Variants in SCNN1B observed in about 807,000 individuals in gnomAD.
The protein encoded by SCNN1B is epithelial sodium channel subunit beta.
SCNN1B carries 46 observed loss-of-function variants against 65.3 expected under a neutral mutation model. That is an observed-to-expected ratio of 0.70 (90% CI 0.56 to 0.90). The LOEUF (loss-of-function observed/expected upper bound fraction) is 0.90. Among genes scored for constraint, SCNN1B ranks in the 40% least tolerant of loss-of-function variants. SCNN1B has a pLI of 0.00. For missense variants in SCNN1B, 751 were observed against 830.5 expected (o/e 0.90, Z 1.18); for synonymous variants, 349 against 330.6 (o/e 1.06, Z -0.60).
chr16:23,373,958 G>A (rs1045317243), intron 7 of SCNN1B, among the ~76,000 whole-genome samples: 1 of 152,104 alleles, frequency 6.6e-6, no homozygotes, highest in African/African-American at 2.4e-5. Context: ...ACCCAGGCCA[G>A]AAAACAGCCA....
In SCNN1B at chr16:23,378,737, G is replaced by A. The variant is rs753961533; in HGVS notation, c.1436G>A (p.Arg479Gln). 23 of 1,613,986 alleles carry A rather than the reference G, an allele frequency of 1.4e-5. No individual in the cohort carries two copies. The highest frequency in any genetic ancestry group is 5.0e-5 in the Admixed American group (3 of 59,994). The part of the protein sequence containing the change: ...DWIFHVLSQE[R>Q]DQSTNITLSR... Reference sequence around the variant, plus strand: ...ATTTTCCACGTCTTGTCTCAGGAGCGGGACCAAAGCACCAATATCACCCTG... The same window carrying A: ...ATTTTCCACGTCTTGTCTCAGGAGCAGGACCAAAGCACCAATATCACCCTG... The change falls in exon 11 of 13, where the codon CGG (arginine) becomes CAG (glutamine). Residue 479 changes from arginine (R) to glutamine (Q), a missense_variant. Physicochemically the swap from Arg to Gln is conservative, Grantham distance 43. Transcript: ENST00000343070.
chr16:23,293,114 CAAAAA>C (rs1191618996), intron 2 of SCNN1B, among the ~76,000 whole-genome samples: 2,756 of 33,716 alleles, frequency 0.082, 29 homozygotes, highest in Non-Finnish European at 0.13. Flanking sequence ...GACTCATTCT[CAAAAA>C]AAAAAAAAAA....
chr16:23,371,804 A>G lies in SCNN1B; in HGVS notation c.1073A>G (p.Tyr358Cys), dbSNP rs769150286. 3.7e-6 allele frequency: 6 copies of G among 1,614,194 alleles called. No homozygotes were observed. In the South Asian group the frequency reaches 6.6e-5, roughly 18 times the overall value. ...AAGCTTCAGCGCATGGGGGAGCCCTACAGCCCGTGCACCGTGAATGGTTCT... is the reference window on the plus strand; with the variant it reads ...AAGCTTCAGCGCATGGGGGAGCCCTGCAGCCCGTGCACCGTGAATGGTTCT... ...VDKLQRMGEP[Y>C]SPCTVNGSEV... The change falls in exon 7 of 13, where the codon TAC (tyrosine) becomes TGC (cysteine). Residue 358 changes from tyrosine (Y) to cysteine (C), a missense_variant. Tyr to Cys is a radical substitution (Grantham distance 194, BLOSUM62 -2). Coordinates refer to ENST00000343070, the MANE Select transcript of SCNN1B (RefSeq NM_000336.3).
At chr16:23,315,481 G>C (rs183104413) in intron 1 of SCNN1B, among the ~76,000 whole-genome samples, 4 of 152,300 alleles carry the variant, frequency 2.6e-5, no homozygotes, top group Admixed American at 6.5e-5. Context: ...GAGCCCAGCT[G>C]ACCCAGCATG....
intron 8 of SCNN1B, 101 bp from the exon 9 acceptor site, chr16:23,377,064 G>C: frequency 9.6e-7 from 1 of 1,040,010 alleles, no homozygotes; most frequent in Non-Finnish European, 1.5e-6. Context: ...CCTAACCACA[G>C]GGCCAGGAGA....
At position 23,335,162 on chromosome 16, in the gene SCNN1B, T is replaced by A. The variant is rs79017508; in HGVS notation, c.-8-13430T>A. ...TACACAATGGATGATTAATCAATATTTGCTGACTGAATAGATTAAACATTG... is the reference window on the plus strand; with the variant it reads ...TACACAATGGATGATTAATCAATATATGCTGACTGAATAGATTAAACATTG... On this transcript the variant is annotated intron_variant, in intron 1 of 12. Coordinates refer to ENST00000343070, the MANE Select transcript of SCNN1B (RefSeq NM_000336.3). Among the ~76,000 whole-genome samples the A allele has an allele frequency of 7.8e-3, 1,192 of 152,338 alleles. 17 individuals are homozygous for A. Among genetic ancestry groups the A allele is most frequent in the African/African-American group, 0.027 (1,139 of 41,564 alleles).
intron 4 of SCNN1B, among the ~76,000 whole-genome samples, chr16:23,365,232 C>T (rs866827956): frequency 2.6e-5 from 4 of 151,624 alleles, no homozygotes; most frequent in Admixed American, 6.6e-5. Flanking sequence ...GCAGAGGTTA[C>T]AGTGAACCAA....
At chr16:23,333,137 G>GGAAGGAAGGAAA (rs1488445435) in intron 1 of SCNN1B, among the ~76,000 whole-genome samples, 2 of 107,946 alleles carry the variant, frequency 1.9e-5, no homozygotes. Flanking sequence ...GAGGGAGGGA[G>GGAAGGAAGGAAA]GAAGGAAGGA....
intron 10 of SCNN1B, among the ~76,000 whole-genome samples, chr16:23,378,029 G>A (rs1962950494): frequency 1.3e-5 from 2 of 152,120 alleles, no homozygotes; most frequent in Non-Finnish European, 2.9e-5. Context: ...TATTTTTGGA[G>A]ACAGGGGCTT....
At chr16:23,358,775 C>T (rs528775952) in intron 4 of SCNN1B, among the ~76,000 whole-genome samples, 6 of 152,166 alleles carry the variant, frequency 3.9e-5, no homozygotes, top group East Asian at 3.9e-4. Context: ...GGTGTGGTGG[C>T]GCATGCCTGT....
upstream of SCNN1B, among the ~76,000 whole-genome samples, chr16:23,301,359 C>CAAAAAAAAAAAA (rs369302758): frequency 1.4e-3 from 164 of 120,380 alleles, no homozygotes; most frequent in African/African-American, 5.9e-3. Flanking sequence ...GAGACTCTGT[C>CAAAAAAAAAAAA]AAAAAAAAAA....
Position 23,380,024 on chromosome 16 carries a change from G to A in SCNN1B, c.1467-70G>A, listed in dbSNP as rs942841601. The A allele has an allele frequency of 8.8e-7, 1 of 1,136,084 alleles. No homozygotes were observed. Among genetic ancestry groups the A allele is most frequent in the East Asian group, 2.3e-5 (1 of 42,658 alleles). The allele number at this position is 1,136,084 out of a possible 1,614,324, so 70.4% of individuals were successfully genotyped here. ...TGCATGTGTGTGCATGTGTCTATGT[G>A]CGTGTGTGTGTGTCTGTCTGTTTGG... On this transcript the variant is annotated intron_variant, in intron 11 of 12. Coordinates refer to ENST00000343070, the MANE Select transcript of SCNN1B (RefSeq NM_000336.3). The surrounding 1 kb of genome is among the most constrained non-coding windows in gnomAD (Gnocchi z 5.4).
In SCNN1B at chr16:23,375,748, G is replaced by A. The variant is rs201575688; in HGVS notation, c.1163G>A (p.Arg388His). 115 of 1,613,414 alleles carry A rather than the reference G, an allele frequency of 7.1e-5. No homozygotes were observed. The highest frequency in any genetic ancestry group is 5.5e-4 in the Admixed American group (33 of 60,004). Reference protein sequence around the residue: ...NTTYSIQACLRSCFQDHMIRN... With the variant: ...NTTYSIQACLHSCFQDHMIRN... Reference sequence around the variant, plus strand: ...CCCTACCCTCCCCAGGCCTGTCTTCGCTCCTGCTTCCAAGACCACATGATC... The same window carrying A: ...CCCTACCCTCCCCAGGCCTGTCTTCACTCCTGCTTCCAAGACCACATGATC... The change falls in exon 8 of 13, where the codon CGC (arginine) becomes CAC (histidine). Residue 388 changes from arginine (R) to histidine (H), a missense_variant. Arg to His is a conservative substitution (Grantham distance 29). Coordinates refer to ENST00000343070, the MANE Select transcript of SCNN1B (RefSeq NM_000336.3).
chr16:23,380,692 C>G lies in SCNN1B; in HGVS notation c.1814C>G (p.Pro605Arg), dbSNP rs748831500. ...CGCAGCCCCAACACTGGGCCCTACCCCAGTGAGCAGGCCCTGCCCATCCCA... is the reference window on the plus strand; with the variant it reads ...CGCAGCCCCAACACTGGGCCCTACCGCAGTGAGCAGGCCCTGCCCATCCCA... ...APRSPNTGPY[P>R]SEQALPIPGT... is the part of the protein sequence containing the mutation. Residue 605 changes from proline (P) to arginine (R), a missense_variant, in exon 13 of 13, where the codon CCC (proline) becomes CGC (arginine). Coordinates refer to ENST00000343070, the MANE Select transcript of SCNN1B (RefSeq NM_000336.3). The surrounding 1 kb of genome is among the most constrained non-coding windows in gnomAD (Gnocchi z 5.4). 3 of 1,612,482 alleles carry G rather than the reference C, an allele frequency of 1.9e-6. No homozygotes were observed. The East Asian group carries it at 6.7e-5, about 36-fold the overall frequency.
intron 4 of SCNN1B, chr16:23,359,061 A>T (rs1249322677): frequency 3.9e-5 from 6 of 152,308 alleles, no homozygotes; most frequent in South Asian, 4.2e-4. Flanking sequence ...CAACAAAGTC[A>T]TGAGAAAGGA....
At chr16:23,344,768 T>C (rs996197569) in intron 1 of SCNN1B, among the ~76,000 whole-genome samples, 22 of 152,092 alleles carry the variant, frequency 1.4e-4, no homozygotes, top group African/African-American at 4.6e-4. Context: ...CCAATGCGGG[T>C]GGATCGCTTG....
intron 1 of SCNN1B, among the ~76,000 whole-genome samples, chr16:23,308,787 C>G (rs1961275412): frequency 6.6e-6 from 1 of 152,130 alleles, no homozygotes; most frequent in Non-Finnish European, 1.5e-5. Context: ...TGCCTGCCCC[C>G]ACACCCACCT....
intron 1 of SCNN1B, among the ~76,000 whole-genome samples, chr16:23,329,035 A>G (rs1482515598): frequency 6.6e-6 from 1 of 152,042 alleles, no homozygotes; most frequent in Non-Finnish European, 1.5e-5. Context: ...CCTGGGCTCA[A>G]GCGATCTTCC....
At chr16:23,360,644 G>A (rs1962532406) in intron 4 of SCNN1B, among the ~76,000 whole-genome samples, 1 of 137,012 alleles carries the variant, frequency 7.3e-6, no homozygotes, top group East Asian at 2.1e-4. Context: ...CCCCCAGGCT[G>A]GAATACAATG....
Sources: gnomAD v4.1 joint callset for allele counts (sites outside exome capture counted in the v4.1 genomes callset) on GRCh38, gnomAD v4.1.1 for gene constraint, Gnocchi (gnomAD v3.1) non-coding constraint, MANE v1.5 for transcripts, NCBI Gene and HGNC (gene_info 2026-07-23, HGNC 2026-07-21) for gene names.